Variants in CTNND2 observed in about 807,000 individuals in gnomAD.
CTNND2 encodes catenin delta 2, also known as catenin delta-2.
CTNND2 carries 22 observed loss-of-function variants against 144.4 expected under a neutral mutation model. The observed-to-expected ratio is 0.15, with a 90% CI of 0.11 to 0.22. The LOEUF (loss-of-function observed/expected upper bound fraction) is 0.22. Ranked by LOEUF, CTNND2 falls within the 10% of genes least tolerant of loss-of-function variation. The pLI is 1.00. For missense variants in CTNND2, 1,353 were observed against 1,618.8 expected, an observed-to-expected ratio of 0.84 and a Z score of 2.82; for synonymous variants, 751 against 695.6, an observed-to-expected ratio of 1.08 and a Z score of -1.25.
intron 2 of CTNND2, among the ~76,000 whole-genome samples, chr5:11,585,490 ATCTATCTATC>A (rs1778787359): frequency 1.3e-5 from 2 of 150,866 alleles, no homozygotes; most frequent in African/African-American, 2.4e-5. Context: ...ATGTATATCT[ATCTATCTATC>A]TATCTATCTA....
intron 9 of CTNND2, among the ~76,000 whole-genome samples, chr5:11,292,097 T>C (rs912765653): frequency 6.6e-6 from 1 of 152,194 alleles, no homozygotes; most frequent in Admixed American, 6.5e-5. Context: ...CAAGTTCTCC[T>C]GCTTATGATT....
chr5:11,020,565 T>C (rs1160069824), intron 17 of CTNND2, among the ~76,000 whole-genome samples: 1 of 152,178 alleles, frequency 6.6e-6, no homozygotes, highest in Non-Finnish European at 1.5e-5. Context: ...ACTATTATAA[T>C]AGAATTGAGT....
intron 7 of CTNND2, among the ~76,000 whole-genome samples, chr5:11,378,313 G>A (rs1212125289): frequency 6.6e-6 from 1 of 152,156 alleles, no homozygotes; most frequent in Non-Finnish European, 1.5e-5. Context: ...TATGAGGAAG[G>A]GGCTGGAGCC....
chr5:11,284,464 C>G (rs2150002968), intron 9 of CTNND2, among the ~76,000 whole-genome samples: 1 of 152,220 alleles, frequency 6.6e-6, no homozygotes, highest in Non-Finnish European at 1.5e-5. Flanking sequence ...CTCCCTGTGT[C>G]CATGTGTTCT....
chr5:11,080,736 T>C (rs1749461743), intron 16 of CTNND2, among the ~76,000 whole-genome samples: 1 of 152,188 alleles, frequency 6.6e-6, no homozygotes. Context: ...TATGTACACA[T>C]ACCACATGAT....
intron 17 of CTNND2, among the ~76,000 whole-genome samples, chr5:11,022,525 T>G (rs1396062947): frequency 6.6e-6 from 1 of 152,158 alleles, no homozygotes; most frequent in Non-Finnish European, 1.5e-5. Flanking sequence ...AATACCTTCA[T>G]GTATCCAGGT....
intron 11 of CTNND2, among the ~76,000 whole-genome samples, chr5:11,160,532 A>G (rs1254673542): frequency 6.6e-6 from 1 of 152,250 alleles, no homozygotes; most frequent in East Asian, 1.9e-4. Flanking sequence ...TAAACATTGC[A>G]TATATATTAT....
intron 3 of CTNND2, among the ~76,000 whole-genome samples, chr5:11,516,252 T>G (rs1772156384): frequency 6.6e-6 from 1 of 152,012 alleles, no homozygotes; most frequent in Non-Finnish European, 1.5e-5. Context: ...TCATAACAAC[T>G]AAGATTGAGA....
chr5:11,174,432 G>A (rs1381692562), intron 11 of CTNND2, among the ~76,000 whole-genome samples: 1 of 152,208 alleles, frequency 6.6e-6, no homozygotes, highest in Non-Finnish European at 1.5e-5. Context: ...GTAAAAAAAT[G>A]TAGTTGCACA....
At chr5:11,875,599 G>A (rs369870138) in intron 1 of CTNND2, among the ~76,000 whole-genome samples, 5 of 152,060 alleles carry the variant, frequency 3.3e-5, no homozygotes, top group African/African-American at 9.7e-5. Context: ...TTTACCGTCC[G>A]TATAGCAGGG....
At chr5:11,803,908 T>C (rs1040427603) in intron 1 of CTNND2, among the ~76,000 whole-genome samples, 2 of 152,158 alleles carry the variant, frequency 1.3e-5, no homozygotes, top group African/African-American at 4.8e-5. Flanking sequence ...TAAAAAATCT[T>C]ACTAAATCCT....
chr5:11,056,555 C>A (rs372261726), intron 16 of CTNND2, among the ~76,000 whole-genome samples: 6 of 152,162 alleles, frequency 3.9e-5, no homozygotes, highest in Admixed American at 3.3e-4. Flanking sequence ...TGGGCTCAAG[C>A]GATCCTTCTG....
rs1346946388 is a variant in CTNND2 at position 11,732,357 on chromosome 5, A to AG, written c.38-86dup. 6.0e-6 allele frequency: 8 copies of AG among 1,341,656 alleles called. 1 individual carries two copies. Among genetic ancestry groups the AG allele is most frequent in the Non-Finnish European group, 8.2e-6 (8 of 973,874 alleles). 83.1% of individuals were successfully genotyped at this position (1,341,656 alleles called of 1,614,324 possible). A position where few individuals can be genotyped will look rare whatever the true frequency, so the allele number is the denominator to read the frequency against. ...ATCAGACCACTTTGAAGATACACAC[A>AG]GAAAAAAAAGTAAAACTATAAGCTG... On this transcript the variant is annotated intron_variant, in intron 1 of 21. Transcript: ENST00000304623.
chr5:11,103,245 G>T (rs139654552), intron 14 of CTNND2, among the ~76,000 whole-genome samples: 2,158 of 152,054 alleles, frequency 0.014, 60 homozygotes, highest in African/African-American at 0.05. Flanking sequence ...GCCTCCCAGA[G>T]TGCTGGGATT....
intron 8 of CTNND2, among the ~76,000 whole-genome samples, chr5:11,353,817 AC>A (rs902470709): frequency 8.6e-5 from 13 of 152,018 alleles, no homozygotes; most frequent in African/African-American, 2.7e-4. Context: ...AAAAAAAAAA[AC>A]ATTGTATTAT....
At chr5:11,182,115 TGGTGTGTGTGTGGATGG>T (rs1449671286) in intron 11 of CTNND2, among the ~76,000 whole-genome samples, 2 of 132,276 alleles carry the variant, frequency 1.5e-5, no homozygotes, top group East Asian at 4.7e-4. Context: ...AGTGTGTGTG[TGGTGTGTGTGTGGATGG>T]GGTGTGTGTG....
intron 2 of CTNND2, among the ~76,000 whole-genome samples, chr5:11,718,542 CT>C (rs1385300709): frequency 1.3e-5 from 2 of 152,110 alleles, no homozygotes; most frequent in East Asian, 3.9e-4. Flanking sequence ...TGCAAACACA[CT>C]TGTGATCCAG....
intron 2 of CTNND2, among the ~76,000 whole-genome samples, chr5:11,637,742 G>GT: frequency 6.6e-6 from 1 of 152,006 alleles, no homozygotes; most frequent in East Asian, 1.9e-4. Context: ...ATACATTTAT[G>GT]TTTTTTAAAT....
At chr5:11,748,207 G>A (rs974015758) in intron 1 of CTNND2, among the ~76,000 whole-genome samples, 6 of 152,012 alleles carry the variant, frequency 3.9e-5, no homozygotes, top group Non-Finnish European at 8.8e-5. Flanking sequence ...ACTGAATAGA[G>A]CCATAATAAT....
Sources: allele counts gnomAD v4.1 joint callset (sites outside exome capture counted in the v4.1 genomes callset), GRCh38; gene constraint gnomAD v4.1.1; transcripts MANE v1.5; gene names NCBI Gene and HGNC (gene_info 2026-07-23, HGNC 2026-07-21).